Variants in GABBR2 observed in about 807,000 individuals in gnomAD.
GABBR2 encodes the protein G-protein coupled receptor 51.
In GABBR2, 23 loss-of-function variants were observed where a neutral mutation model predicts 105.6. The ratio of observed to expected loss-of-function variants is 0.22; its 90% CI spans 0.16 to 0.31. The LOEUF (loss-of-function observed/expected upper bound fraction) is 0.31, where lower values mean the gene tolerates loss of function less well. Ranked by LOEUF, GABBR2 falls within the 10% of genes least tolerant of loss-of-function variation. GABBR2 has a pLI of 1.00. For synonymous variants in GABBR2, 478 were observed against 499.7 expected, an observed-to-expected ratio of 0.96 and a Z score of 0.58; for missense variants, 734 against 1,245.5, an observed-to-expected ratio of 0.59 and a Z score of 6.18.
intron 12 of GABBR2, among the ~76,000 whole-genome samples, chr9:98,366,178 A>T (rs644842): frequency 0.11 from 16,133 of 152,222 alleles, 985 homozygotes; most frequent in South Asian, 0.21. Flanking sequence ...CCCACACTAG[A>T]TTACCAGAGC....
chr9:98,483,052 C>T (rs1226988180), intron 4 of GABBR2, among the ~76,000 whole-genome samples: 3 of 152,138 alleles, frequency 2.0e-5, no homozygotes, highest in African/African-American at 7.2e-5. Context: ...AGTTTCCCAC[C>T]AGACTCTTCC....
At chr9:98,362,927 A>G in intron 12 of GABBR2, 90 bp from the exon 13 acceptor site, 1 of 1,132,902 alleles carries the variant, frequency 8.8e-7, no homozygotes, top group Non-Finnish European at 1.2e-6. Flanking sequence ...GGGAACCTGC[A>G]TCATGAACCC....
chr9:98,377,754 GC>G (rs1391916224), intron 11 of GABBR2, among the ~76,000 whole-genome samples: 1 of 152,090 alleles, frequency 6.6e-6, no homozygotes, highest in African/African-American at 2.4e-5. Context: ...TCCCCACTCA[GC>G]CCCCTCCTCT....
intron 2 of GABBR2, among the ~76,000 whole-genome samples, chr9:98,577,199 A>AATGGATGG (rs766802691): frequency 1.8e-5 from 2 of 111,290 alleles, no homozygotes; most frequent in African/African-American, 2.9e-5. Flanking sequence ...TGGATAGGTG[A>AATGGATGG]ATGGATGGAT....
At chr9:98,655,432 A>C (rs888206085) in intron 1 of GABBR2, among the ~76,000 whole-genome samples, 2 of 152,242 alleles carry the variant, frequency 1.3e-5, no homozygotes, top group Middle Eastern at 3.2e-3. Flanking sequence ...TAGGGCTCAG[A>C]GAACAAGGAG....
chr9:98,384,288 G>A (rs1408015648), intron 11 of GABBR2, among the ~76,000 whole-genome samples: 1 of 152,174 alleles, frequency 6.6e-6, no homozygotes, highest in Non-Finnish European at 1.5e-5. Context: ...TCAACTGAGA[G>A]TTAGTTCCAT....
chr9:98,324,482 A>G (rs908148609), intron 13 of GABBR2, among the ~76,000 whole-genome samples: 1 of 147,962 alleles, frequency 6.8e-6, no homozygotes, highest in African/African-American at 2.5e-5. Flanking sequence ...AAGACAAAAG[A>G]CTACAGAGCC....
At chr9:98,495,509 T>C (rs1051122180) in intron 4 of GABBR2, among the ~76,000 whole-genome samples, 1 of 152,166 alleles carries the variant, frequency 6.6e-6, no homozygotes, top group Middle Eastern at 3.2e-3. Flanking sequence ...GGATAACATA[T>C]CAAACTTCTA....
chr9:98,368,040 T>TCA (rs1831712529), intron 12 of GABBR2, among the ~76,000 whole-genome samples: 1 of 152,008 alleles, frequency 6.6e-6, no homozygotes. Flanking sequence ...GTGCATGAAG[T>TCA]TTATCGCCGT....
intron 1 of GABBR2, among the ~76,000 whole-genome samples, chr9:98,591,898 A>C (rs2131796479): frequency 6.6e-6 from 1 of 152,378 alleles, no homozygotes; most frequent in East Asian, 1.9e-4. Context: ...TTGAGTTAGC[A>C]GATTTGTCAT....
chr9:98,581,905 T>C (rs1588238046), intron 1 of GABBR2, among the ~76,000 whole-genome samples: 1 of 152,242 alleles, frequency 6.6e-6, no homozygotes, highest in East Asian at 1.9e-4. Flanking sequence ...GATTCTGTAT[T>C]AGTAATGATG....
chr9:98,369,377 C>T lies in GABBR2; in HGVS notation c.1770+2087G>A, dbSNP rs181179581. On this transcript the variant is annotated intron_variant, in intron 12 of 18. Transcript: ENST00000259455. Reference sequence around the variant, plus strand: ...CTGGAGAGGACAGGGGGCTGCAGTCCTGAAGAAGAACCTTGGCAGTGAAGA... The same window carrying T: ...CTGGAGAGGACAGGGGGCTGCAGTCTTGAAGAAGAACCTTGGCAGTGAAGA... 1.2e-4 allele frequency among the ~76,000 whole-genome samples: 18 copies of T among 152,152 alleles called. No individual in the cohort carries two copies. The East Asian group carries it at 3.5e-3, about 30-fold the overall frequency.
At chr9:98,590,945 G>A (rs1408730807) in intron 1 of GABBR2, among the ~76,000 whole-genome samples, 1 of 152,192 alleles carries the variant, frequency 6.6e-6, no homozygotes, top group Admixed American at 6.5e-5. Context: ...AACGCACCCT[G>A]GGTGATGAAG....
chr9:98,542,094 T>C (rs1828314650), intron 2 of GABBR2, 51 bp from the exon 3 acceptor site: 2 of 1,493,942 alleles, frequency 1.3e-6, no homozygotes, highest in Non-Finnish European at 1.9e-6. Context: ...CTCACAGCTG[T>C]GACCCAGCAT....
intron 1 of GABBR2, among the ~76,000 whole-genome samples, chr9:98,634,443 T>C (rs749876659): frequency 6.6e-6 from 1 of 152,056 alleles, no homozygotes; most frequent in African/African-American, 2.4e-5. Context: ...AGGCCCTAAA[T>C]CCAATGACTG....
At chr9:98,701,362 C>T (rs576896200) in intron 1 of GABBR2, among the ~76,000 whole-genome samples, 6 of 152,268 alleles carry the variant, frequency 3.9e-5, no homozygotes, top group African/African-American at 1.4e-4. Context: ...TGAGGAATTT[C>T]TGGGGCGCTC....
At chr9:98,469,910 T>C (rs1826633927) in intron 6 of GABBR2, among the ~76,000 whole-genome samples, 1 of 152,348 alleles carries the variant, frequency 6.6e-6, no homozygotes, top group Non-Finnish European at 1.5e-5. Context: ...AGTGCCATGC[T>C]GACCGTGGCC....
chr9:98,507,572 T>C (rs10819003), intron 3 of GABBR2, among the ~76,000 whole-genome samples: 17,420 of 152,254 alleles, frequency 0.11, 1,671 homozygotes, highest in East Asian at 0.5. Flanking sequence ...ATAATTTGTG[T>C]TGTTTAAAGC....
Position 98,290,574 on chromosome 9 carries a change from C to A in GABBR2, c.*10G>T, listed in dbSNP as rs748407319. On this transcript the variant is annotated 3_prime_UTR_variant, in exon 19 of 19. Coordinates refer to ENST00000259455, the MANE Select transcript of GABBR2 (RefSeq NM_005458.8). The stretch of plus-strand genomic sequence containing the variant: ...TCACGGGGGAGGCCCCGGGCCCAGG[C>A]CTCCCACCCTTACAGGCCCGAGACC... 2.2e-6 allele frequency: 3 copies of A among 1,369,224 alleles called. No homozygotes were observed. The highest frequency in any genetic ancestry group is 1.9e-6 in the Non-Finnish European group (2 of 1,058,964). The allele number at this position is 1,369,224 out of a possible 1,614,324, so 84.8% of individuals were successfully genotyped here.
Sources: gnomAD v4.1 joint callset for allele counts (sites outside exome capture counted in the v4.1 genomes callset) on GRCh38, gnomAD v4.1.1 for gene constraint, MANE v1.5 for transcripts, NCBI Gene and HGNC (gene_info 2026-07-23, HGNC 2026-07-21) for gene names.